The following ANGPT1 variants were observed in gnomAD, a reference collection of about 807,000 sequenced individuals.
ANGPT1 encodes angiopoietin-1.
ANGPT1 carries 17 observed loss-of-function variants against 62.2 expected under a neutral mutation model. The observed-to-expected ratio is 0.27, with a 90% CI of 0.19 to 0.41. The LOEUF (loss-of-function observed/expected upper bound fraction) is 0.41. ANGPT1 is among the 10% of genes least tolerant of loss of function. ANGPT1 has a pLI of 1.00. For synonymous variants in ANGPT1, 199 were observed against 198.9 expected (o/e 1.00, Z 0.00); for missense variants, 478 against 594.9 (o/e 0.80, Z 2.04).
intron 1 of ANGPT1, among the ~76,000 whole-genome samples, chr8:107,350,230 T>A (rs1405774323): frequency 6.6e-6 from 1 of 152,192 alleles, no homozygotes; most frequent in African/African-American, 2.4e-5. Flanking sequence ...TCAAATTTAC[T>A]TTGAAATATC....
At chr8:107,261,247 C>T (rs1022112566) in intron 8 of ANGPT1, among the ~76,000 whole-genome samples, 8 of 147,554 alleles carry the variant, frequency 5.4e-5, no homozygotes, top group African/African-American at 1.8e-4. Flanking sequence ...CAGGAAAAAG[C>T]TCAAGACCTA....
intron 7 of ANGPT1, among the ~76,000 whole-genome samples, 153 bp from the exon 8 acceptor site, chr8:107,264,504 G>T (rs964361550): frequency 1.3e-5 from 2 of 152,086 alleles, no homozygotes; most frequent in African/African-American, 4.8e-5. Context: ...CAAGCTATCT[G>T]AACCAAAAGA....
At chr8:107,438,442 T>C (rs1811392620) in intron 1 of ANGPT1, among the ~76,000 whole-genome samples, 1 of 152,292 alleles carries the variant, frequency 6.6e-6, no homozygotes, top group African/African-American at 2.4e-5. Flanking sequence ...TTGAAAATAG[T>C]TTGAATCTTT....
At chr8:107,446,210 C>T (rs1811614768) in intron 1 of ANGPT1, among the ~76,000 whole-genome samples, 1 of 152,192 alleles carries the variant, frequency 6.6e-6, no homozygotes, top group Non-Finnish European at 1.5e-5. Context: ...AGCCACCACG[C>T]CCGGCCAATA....
At chr8:107,378,482 T>C (rs911674380) in intron 1 of ANGPT1, among the ~76,000 whole-genome samples, 2 of 152,246 alleles carry the variant, frequency 1.3e-5, no homozygotes, top group African/African-American at 4.8e-5. Flanking sequence ...ATAATGTGTG[T>C]ATATGTTTAT....
chr8:107,329,618 T>G (rs1310779803), intron 3 of ANGPT1, among the ~76,000 whole-genome samples: 1 of 151,970 alleles, frequency 6.6e-6, no homozygotes, highest in African/African-American at 2.4e-5. Flanking sequence ...ACAATATGAT[T>G]TGTTTTTTCC....
chr8:107,370,611 G>A (rs1029596921), intron 1 of ANGPT1, among the ~76,000 whole-genome samples: 1 of 149,708 alleles, frequency 6.7e-6, no homozygotes, highest in African/African-American at 2.5e-5. Context: ...GCTGAGGCAA[G>A]GGAATCACTT....
At chr8:107,368,253 G>C (rs1007534902) in intron 1 of ANGPT1, among the ~76,000 whole-genome samples, 2 of 152,142 alleles carry the variant, frequency 1.3e-5, no homozygotes, top group African/African-American at 2.4e-5. Context: ...CAGGTGCATT[G>C]TCAATGAACA....
intron 8 of ANGPT1, among the ~76,000 whole-genome samples, chr8:107,257,876 G>GTTTTTTGTTTTTTT (rs1371396961): frequency 3.5e-5 from 3 of 85,260 alleles, no homozygotes; most frequent in African/African-American, 1.4e-4. Context: ...ACTTGTTTTT[G>GTTTTTTGTTTTTTT]TTTCTTTTTT....
At chr8:107,410,247 C>T (rs1052578788) in intron 1 of ANGPT1, among the ~76,000 whole-genome samples, 1 of 152,200 alleles carries the variant, frequency 6.6e-6, no homozygotes, top group Non-Finnish European at 1.5e-5. Context: ...CTAATACTCA[C>T]CCTGCCAAGA....
intron 7 of ANGPT1, among the ~76,000 whole-genome samples, chr8:107,273,642 C>A (rs1486702869): frequency 6.6e-6 from 1 of 151,984 alleles, no homozygotes; most frequent in Non-Finnish European, 1.5e-5. Flanking sequence ...CTTCCTCCTG[C>A]CATTAACTAC....
chr8:107,378,157 G>A (rs2130263900), intron 1 of ANGPT1, among the ~76,000 whole-genome samples: 1 of 152,290 alleles, frequency 6.6e-6, no homozygotes, highest in Non-Finnish European at 1.5e-5. Context: ...AGCCTTCATA[G>A]GGTTTAGACA....
intron 1 of ANGPT1, among the ~76,000 whole-genome samples, chr8:107,473,764 A>G (rs1471575104): frequency 1.3e-5 from 2 of 152,088 alleles, no homozygotes; most frequent in Non-Finnish European, 2.9e-5. Context: ...TTAAGTGGAC[A>G]CAAGTCACAA....
chr8:107,270,769 T>TA (rs1173135438), intron 7 of ANGPT1, among the ~76,000 whole-genome samples: 2 of 151,952 alleles, frequency 1.3e-5, no homozygotes, highest in Non-Finnish European at 2.9e-5. Context: ...TTAATACACT[T>TA]ACGAAAAAGT....
At chr8:107,451,432 G>A (rs150315305) in intron 1 of ANGPT1, among the ~76,000 whole-genome samples, 3 of 151,886 alleles carry the variant, frequency 2.0e-5, no homozygotes, top group Admixed American at 2.0e-4. Flanking sequence ...AGCTTTAATA[G>A]ATATTGAGGT....
At chr8:107,297,507 T>C (rs1245827374) in intron 5 of ANGPT1, among the ~76,000 whole-genome samples, 1 of 151,106 alleles carries the variant, frequency 6.6e-6, no homozygotes, top group Non-Finnish European at 1.5e-5. Context: ...ATGCTACGCA[T>C]TATACACTCT....
At chr8:107,358,442 G>C (rs562799372) in intron 1 of ANGPT1, among the ~76,000 whole-genome samples, 9 of 151,874 alleles carry the variant, frequency 5.9e-5, no homozygotes, top group African/African-American at 1.9e-4. Flanking sequence ...TTTCACAAAG[G>C]CCATTTTGGT....
chr8:107,460,134 A>C (rs1444558442), intron 1 of ANGPT1, among the ~76,000 whole-genome samples: 16 of 152,206 alleles, frequency 1.1e-4, no homozygotes, highest in Admixed American at 1.0e-3. Context: ...CTGGTGAAAT[A>C]CTCCAGGGGT....
chr8:107,435,920 T>C (rs1264032725), intron 1 of ANGPT1, among the ~76,000 whole-genome samples: 3 of 152,174 alleles, frequency 2.0e-5, no homozygotes, highest in Non-Finnish European at 4.4e-5. Context: ...GATTGGTTGA[T>C]TAGACAGGGT....
Sources: gnomAD v4.1 joint callset for allele counts (sites outside exome capture counted in the v4.1 genomes callset) on GRCh38, gnomAD v4.1.1 for gene constraint, MANE v1.5 for transcripts, NCBI Gene and HGNC (gene_info 2026-07-23, HGNC 2026-07-21) for gene names.